The following SLC26A8 variants were observed in gnomAD, a reference collection of about 807,000 sequenced individuals.
The protein encoded by SLC26A8 is testis anion transporter 1.
A neutral mutation model predicts 105.0 loss-of-function variants in SLC26A8; 70 were observed. That is an observed-to-expected ratio of 0.67 (90% CI 0.55 to 0.81). SLC26A8 has a LOEUF of 0.81. Ranked by LOEUF, SLC26A8 falls within the 40% of genes least tolerant of loss-of-function variation. The pLI, the probability that SLC26A8 is intolerant of heterozygous loss-of-function variation, is 0.00. For missense variants in SLC26A8, 998 were observed against 1,181.8 expected (o/e 0.84, Z 2.28); for synonymous variants, 415 against 438.3 (o/e 0.95, Z 0.66).
chr6:35,968,166 A>G (rs1374371435), intron 11 of SLC26A8, among the ~76,000 whole-genome samples: 1 of 149,850 alleles, frequency 6.7e-6, no homozygotes, highest in Non-Finnish European at 1.5e-5. Context: ...TCTTTTTTAG[A>G]CGGAGTCTCA....
chr6:35,973,081 A>G (rs1043827726), intron 10 of SLC26A8, among the ~76,000 whole-genome samples: 3 of 152,126 alleles, frequency 2.0e-5, no homozygotes, highest in Non-Finnish European at 4.4e-5. Flanking sequence ...AATCGTCCTC[A>G]TTCTGCACTC....
At position 35,944,125 on chromosome 6, in the gene SLC26A8, G is replaced by T. The variant is rs774973253; in HGVS notation, c.2688C>A (p.Thr896=). Residue 896 remains threonine, a synonymous_variant, in exon 20 of 20, where the codon ACC becomes ACA. Transcript: ENST00000490799. ...MEPKAETETK[T]QTEMEPQPET... The stretch of plus-strand genomic sequence containing the variant: ...CAGGCTGGGGCTCCATCTCGGTCTG[G>T]GTCTTGGTCTCGGTCTCAGCCTTGG... 1.2e-6 allele frequency: 2 copies of T among 1,613,994 alleles called. No homozygotes were observed. The highest frequency in any genetic ancestry group is 2.7e-5 in the African/African-American group (2 of 74,980).
chr6:35,965,654 C>G (rs2127304594), intron 11 of SLC26A8, among the ~76,000 whole-genome samples: 1 of 145,774 alleles, frequency 6.9e-6, no homozygotes, highest in African/African-American at 2.6e-5. Flanking sequence ...TGCACTCCAG[C>G]CTGGGCAACA....
At chr6:35,987,022 T>A (rs7774934) in intron 7 of SLC26A8, among the ~76,000 whole-genome samples, 142,783 of 152,266 alleles carry the variant, frequency 0.94, 67,388 homozygotes, top group East Asian at 1. Flanking sequence ...CAGGGTTTTG[T>A]AAAATCTTTT....
Position 35,992,532 on chromosome 6 carries a change from G to A in SLC26A8, c.770C>T (p.Ala257Val). 2 of 1,613,482 alleles carry A rather than the reference G, an allele frequency of 1.2e-6. No homozygotes were observed. Among genetic ancestry groups the A allele is most frequent in the Non-Finnish European group, 1.7e-6 (2 of 1,179,806 alleles). The change falls in exon 6 of 20, where the codon GCC becomes GTC. Residue 257 changes from alanine (A) to valine (V), a missense_variant. By Grantham distance (64) the Ala-to-Val change is moderately conservative. Transcript: ENST00000490799. ...FIFGIMISFHAGPISFFYDII... is the reference protein window; with the variant it reads ...FIFGIMISFHVGPISFFYDII... ...CACATAGAAGAAGGAGATGGGACCG[G>A]CATGGAAACTAATCATAATCCCAAA...
intron 2 of SLC26A8, among the ~76,000 whole-genome samples, chr6:36,019,307 T>C (rs774203824): frequency 9.2e-5 from 14 of 152,126 alleles, no homozygotes; most frequent in Non-Finnish European, 1.9e-4. Context: ...TTAGGTACCA[T>C]AGGGACATCC....
chr6:35,961,799 T>G (rs1164104961), intron 12 of SLC26A8, among the ~76,000 whole-genome samples: 1 of 152,256 alleles, frequency 6.6e-6, no homozygotes, highest in Non-Finnish European at 1.5e-5. Flanking sequence ...TTCTTGCTGT[T>G]TCCCCTTTCT....
At chr6:35,966,738 A>C (rs757182628) in intron 11 of SLC26A8, among the ~76,000 whole-genome samples, 5 of 152,284 alleles carry the variant, frequency 3.3e-5, no homozygotes, top group Non-Finnish European at 7.3e-5. Flanking sequence ...TACTCATAGA[A>C]CCTTATTGTT....
intron 7 of SLC26A8, 48 bp from the exon 8 acceptor site, chr6:35,982,251 T>C (rs1173779226): frequency 1.3e-6 from 2 of 1,565,896 alleles, no homozygotes; most frequent in Non-Finnish European, 1.8e-6. Flanking sequence ...AATACCTAAA[T>C]ATAGTGCATC....
chr6:35,985,788 C>T (rs1156421682), intron 7 of SLC26A8, among the ~76,000 whole-genome samples: 1 of 150,658 alleles, frequency 6.6e-6, no homozygotes, highest in Non-Finnish European at 1.5e-5. Context: ...CCTAAGGTGC[C>T]AGAGATGGGC....
intron 11 of SLC26A8, among the ~76,000 whole-genome samples, chr6:35,968,605 G>GAATA (rs1402291129): frequency 0.02 from 1,048 of 53,716 alleles, 54 homozygotes; most frequent in East Asian, 0.028. Context: ...GTGTGTGTGT[G>GAATA]TGTGTATATA....
chr6:35,977,719 G>C (rs1426035208), intron 8 of SLC26A8, among the ~76,000 whole-genome samples: 1 of 152,138 alleles, frequency 6.6e-6, no homozygotes, highest in Non-Finnish European at 1.5e-5. Context: ...CTATTTTATA[G>C]AAACTCTTCC....
chr6:35,944,399 A>G, intron 19 of SLC26A8, 59 bp from the exon 20 acceptor site: 5 of 1,223,926 alleles, frequency 4.1e-6, no homozygotes, highest in African/African-American at 1.5e-5. Context: ...TGCTGAACGC[A>G]GTGGCTCATA....
intron 7 of SLC26A8, among the ~76,000 whole-genome samples, chr6:35,986,555 G>T (rs1160771223): frequency 6.6e-6 from 1 of 152,070 alleles, no homozygotes; most frequent in East Asian, 1.9e-4. Context: ...TCACTTCAAT[G>T]AGTTCAACCT....
chr6:35,959,975 C>G (rs892518334), intron 14 of SLC26A8, 169 bp from the exon 15 acceptor site: 4 of 508,330 alleles, frequency 7.9e-6, no homozygotes, highest in Non-Finnish European at 1.0e-5. Flanking sequence ...ATGGCGCGAT[C>G]TTGGCTCACT....
intron 7 of SLC26A8, among the ~76,000 whole-genome samples, chr6:35,991,238 T>TA (rs11308158): frequency 1.2e-4 from 18 of 151,246 alleles, no homozygotes; most frequent in Non-Finnish European, 2.5e-4. Context: ...CTGTCTCTAT[T>TA]AAAAAAAATA....
chr6:35,957,190 C>T (rs867125666), intron 16 of SLC26A8, among the ~76,000 whole-genome samples: 1 of 152,002 alleles, frequency 6.6e-6, no homozygotes. Flanking sequence ...CCATCCCACT[C>T]CAGCCCCGGT....
intron 16 of SLC26A8, among the ~76,000 whole-genome samples, chr6:35,958,277 A>G (rs1477688114): frequency 6.6e-6 from 1 of 152,034 alleles, no homozygotes; most frequent in Non-Finnish European, 1.5e-5. Flanking sequence ...AGGCAGGTGG[A>G]TCACCTGAGG....
In SLC26A8 at chr6:35,976,550, C is replaced by CTT. The variant is rs371327114; in HGVS notation, c.1173+652_1173+653dup. ...AACTGTATGGTATTAGAAGCCCTCGCTTTTTTTTTTTTTTTTTTGAGATGG... is the reference window on the plus strand; with the variant it reads ...AACTGTATGGTATTAGAAGCCCTCGCTTTTTTTTTTTTTTTTTTTTGAGATGG... On this transcript the variant is annotated intron_variant, in intron 9 of 19. Coordinates refer to ENST00000490799, the MANE Select transcript of SLC26A8 (RefSeq NM_052961.4). 2.2e-4 allele frequency among the ~76,000 whole-genome samples: 29 copies of CTT among 130,142 alleles called. 1 individual carries two copies. Among genetic ancestry groups the CTT allele is most frequent in the African/African-American group, 5.7e-4 (19 of 33,156 alleles). The allele number at this position is 130,142 out of a possible 152,430, so 85.4% of individuals were successfully genotyped here. A position where few individuals can be genotyped will look rare whatever the true frequency, so the allele number is the denominator to read the frequency against.
Sources: gnomAD v4.1 joint callset for allele counts (sites outside exome capture counted in the v4.1 genomes callset) on GRCh38, gnomAD v4.1.1 for gene constraint, MANE v1.5 for transcripts, NCBI Gene and HGNC (gene_info 2026-07-23, HGNC 2026-07-21) for gene names.